Variants in CCSER1 observed in about 807,000 individuals in gnomAD.
CCSER1 encodes coiled-coil serine rich protein 1.
In CCSER1, 41 loss-of-function variants were observed where a neutral mutation model predicts 82.0. The observed-to-expected ratio is 0.50, with a 90% CI of 0.39 to 0.65. CCSER1 has a LOEUF of 0.65. Ranked by LOEUF, CCSER1 falls within the 30% of genes least tolerant of loss-of-function variation. CCSER1 has a pLI of 0.00. For missense variants in CCSER1, 1,119 were observed against 1,064.2 expected (o/e 1.05, Z -0.72); for synonymous variants, 414 against 383.9 (o/e 1.08, Z -0.92).
intron 10 of CCSER1, among the ~76,000 whole-genome samples, chr4:91,115,607 T>C (rs1005588227): frequency 1.3e-5 from 2 of 152,032 alleles, no homozygotes; most frequent in African/African-American, 4.8e-5. Context: ...TGATAAAGAC[T>C]AGAGAAATGT....
chr4:90,752,965 C>A (rs1748919365), intron 7 of CCSER1, among the ~76,000 whole-genome samples: 1 of 152,056 alleles, frequency 6.6e-6, no homozygotes. Context: ...TTTACCATTT[C>A]ATCATATAAA....
intron 10 of CCSER1, among the ~76,000 whole-genome samples, chr4:91,431,134 G>C (rs1253071405): frequency 6.6e-6 from 1 of 152,102 alleles, no homozygotes; most frequent in Non-Finnish European, 1.5e-5. Flanking sequence ...TACTCGGCAG[G>C]CTGAGGCAGG....
chr4:90,507,570 C>A (rs1467071951), intron 5 of CCSER1, among the ~76,000 whole-genome samples: 2 of 151,794 alleles, frequency 1.3e-5, no homozygotes, highest in Non-Finnish European at 2.9e-5. Context: ...GACAAAAATA[C>A]AATCATTTCA....
At chr4:90,664,889 A>G (rs1731446309) in intron 6 of CCSER1, among the ~76,000 whole-genome samples, 1 of 152,206 alleles carries the variant, frequency 6.6e-6, no homozygotes, top group Non-Finnish European at 1.5e-5. Context: ...AATAAGAATG[A>G]AACTCTGTCT....
intron 8 of CCSER1, among the ~76,000 whole-genome samples, chr4:90,913,818 C>CA (rs60106960): frequency 5.7e-4 from 86 of 150,444 alleles, no homozygotes; most frequent in Middle Eastern, 3.4e-3. Flanking sequence ...AAATGGAAAA[C>CA]AAAAAAAAAG....
chr4:90,321,424 A>G (rs149763529), intron 3 of CCSER1, among the ~76,000 whole-genome samples: 2 of 152,158 alleles, frequency 1.3e-5, no homozygotes, highest in African/African-American at 4.8e-5. Flanking sequence ...ATAATATTCT[A>G]TTGTGTGTAT....
chr4:90,918,178 T>A, intron 8 of CCSER1: 2 of 428,268 alleles, frequency 4.7e-6, no homozygotes. Context: ...ACTAACATAC[T>A]AGTGTCTGTT....
chr4:91,148,952 C>T (rs909753166), intron 10 of CCSER1, among the ~76,000 whole-genome samples: 6 of 152,156 alleles, frequency 3.9e-5, no homozygotes, highest in African/African-American at 1.4e-4. Context: ...CATACGTGTG[C>T]ATGTGTCTTT....
chr4:91,406,272 CCTT>C (rs1369450003), intron 10 of CCSER1, among the ~76,000 whole-genome samples: 3 of 152,110 alleles, frequency 2.0e-5, no homozygotes, highest in Admixed American at 6.6e-5. Flanking sequence ...CCTTCAAACC[CCTT>C]CTTCTTTCCT....
At chr4:90,287,668 G>A (rs1030694775) in intron 1 of CCSER1, among the ~76,000 whole-genome samples, 5 of 151,352 alleles carry the variant, frequency 3.3e-5, no homozygotes, top group East Asian at 2.0e-4. Flanking sequence ...GAGATTAGAC[G>A]TTTTCCATTT....
intron 6 of CCSER1, among the ~76,000 whole-genome samples, chr4:90,654,989 G>T (rs1378102837): frequency 1.3e-5 from 2 of 151,892 alleles, no homozygotes; most frequent in Non-Finnish European, 2.9e-5. Flanking sequence ...ATATTATTTT[G>T]CATATTTAAA....
chr4:90,785,328 C>A (rs928175479), intron 7 of CCSER1, among the ~76,000 whole-genome samples: 10 of 152,102 alleles, frequency 6.6e-5, no homozygotes, highest in Admixed American at 5.9e-4. Flanking sequence ...CACGCCCAGC[C>A]CAAACCTGTA....
intron 10 of CCSER1, among the ~76,000 whole-genome samples, chr4:91,172,457 T>C (rs1732861161): frequency 1.3e-5 from 2 of 152,184 alleles, no homozygotes; most frequent in Non-Finnish European, 2.9e-5. Context: ...TTAGTCCATG[T>C]CTAGAGGCTA....
chr4:91,108,740 A>T (rs1484691082), intron 10 of CCSER1, among the ~76,000 whole-genome samples: 1 of 152,200 alleles, frequency 6.6e-6, no homozygotes, highest in Non-Finnish European at 1.5e-5. Context: ...GCCTATCAAA[A>T]CTGTTGCTTT....
intron 10 of CCSER1, among the ~76,000 whole-genome samples, chr4:91,350,024 G>C (rs1056542965): frequency 5.3e-5 from 8 of 152,088 alleles, no homozygotes; most frequent in Admixed American, 1.3e-4. Context: ...TTGAGTTTCA[G>C]TTTGTTCTGT....
chr4:90,262,503 A>G (rs539981912), intron 1 of CCSER1, among the ~76,000 whole-genome samples: 2 of 152,262 alleles, frequency 1.3e-5, no homozygotes, highest in African/African-American at 4.8e-5. Context: ...GCATTTTTAA[A>G]ATTTTAATTA....
chr4:91,101,589 C>T (rs1171498848), intron 10 of CCSER1, among the ~76,000 whole-genome samples: 13 of 149,942 alleles, frequency 8.7e-5, no homozygotes, highest in Admixed American at 7.3e-4. Context: ...GAGCTGAGAT[C>T]GTGCCACTGC....
intron 10 of CCSER1, among the ~76,000 whole-genome samples, chr4:91,412,534 G>A (rs1179645239): frequency 1.3e-5 from 2 of 152,014 alleles, no homozygotes; most frequent in Admixed American, 1.3e-4. Flanking sequence ...ACTGACTGAG[G>A]TCCTTATGGA....
chr4:91,086,563 T>G (rs1327316946), intron 10 of CCSER1, among the ~76,000 whole-genome samples: 2 of 152,092 alleles, frequency 1.3e-5, no homozygotes, highest in African/African-American at 4.8e-5. Flanking sequence ...TGATTCAGGT[T>G]GCTGGGAGTT....
Sources: gnomAD v4.1 joint callset for allele counts (sites outside exome capture counted in the v4.1 genomes callset) on GRCh38, gnomAD v4.1.1 for gene constraint, MANE v1.5 for transcripts, NCBI Gene and HGNC (gene_info 2026-07-23, HGNC 2026-07-21) for gene names.